The following SLC14A2 variants were observed in gnomAD, a reference collection of about 807,000 sequenced individuals.
SLC14A2 encodes the protein urea transporter 2.
In SLC14A2, 91 loss-of-function variants were observed where a neutral mutation model predicts 104.6. The ratio of observed to expected loss-of-function variants is 0.87; its 90% CI spans 0.73 to 1.04. SLC14A2 has a LOEUF of 1.04. SLC14A2 is among the 50% of genes least tolerant of loss of function. The probability of loss-of-function intolerance (pLI) is 0.00; values close to 1 mark genes in which losing one functional copy is unlikely to be tolerated. For synonymous variants in SLC14A2, 476 were observed against 466.4 expected (o/e 1.02, Z -0.27); for missense variants, 1,189 against 1,156.0 (o/e 1.03, Z -0.41).
chr18:45,316,958 T>C (rs985419106), intron 1 of SLC14A2, among the ~76,000 whole-genome samples: 1 of 152,240 alleles, frequency 6.6e-6, no homozygotes, highest in African/African-American at 2.4e-5. Context: ...TTACCTCATT[T>C]ATGTTCACAG....
At chr18:45,438,320 T>C (rs1018361080) in intron 1 of SLC14A2, 1 of 152,222 alleles carries the variant, frequency 6.6e-6, no homozygotes, top group African/African-American at 2.4e-5. Context: ...AAGTCTCTTC[T>C]ATTCCTATTG....
intron 1 of SLC14A2, among the ~76,000 whole-genome samples, chr18:45,245,935 A>T (rs1191336553): frequency 6.6e-6 from 1 of 152,242 alleles, no homozygotes; most frequent in Non-Finnish European, 1.5e-5. Context: ...CTTTTAAAAG[A>T]TGCTTTGAAA....
At chr18:45,470,959 T>C (rs930405375) in intron 1 of SLC14A2, among the ~76,000 whole-genome samples, 4 of 151,598 alleles carry the variant, frequency 2.6e-5, no homozygotes, top group African/African-American at 9.7e-5. Context: ...AATATTTACA[T>C]TGTGTTCTCA....
At chr18:45,267,920 G>A (rs779133470) in intron 1 of SLC14A2, among the ~76,000 whole-genome samples, 12 of 152,142 alleles carry the variant, frequency 7.9e-5, no homozygotes, top group Non-Finnish European at 1.2e-4. Flanking sequence ...TAAAGGATGT[G>A]CCTGTTTTGT....
At chr18:45,401,792 G>A (rs912286069) in intron 1 of SLC14A2, among the ~76,000 whole-genome samples, 2 of 152,174 alleles carry the variant, frequency 1.3e-5, no homozygotes, top group African/African-American at 4.8e-5. Flanking sequence ...GGTAGAAGAT[G>A]TAGGAAATAT....
intron 1 of SLC14A2, among the ~76,000 whole-genome samples, chr18:45,460,032 G>A (rs555096772): frequency 1.5e-4 from 23 of 152,206 alleles, no homozygotes; most frequent in Admixed American, 7.2e-4. Flanking sequence ...CCAATATCCC[G>A]GACTCTTCCA....
intron 1 of SLC14A2, among the ~76,000 whole-genome samples, chr18:45,221,899 C>A (rs1161095387): frequency 1.3e-5 from 2 of 151,976 alleles, no homozygotes; most frequent in East Asian, 1.9e-4. Flanking sequence ...CAAAGGCTTA[C>A]ATAAAAGTTG....
intron 1 of SLC14A2, among the ~76,000 whole-genome samples, chr18:45,221,380 G>A (rs1373012191): frequency 6.6e-6 from 1 of 152,126 alleles, no homozygotes; most frequent in Non-Finnish European, 1.5e-5. Flanking sequence ...AAAATCCAGG[G>A]GAAAGCCTCT....
At chr18:45,346,980 AAAATAAATAAAT>A (rs760123026) in intron 1 of SLC14A2, among the ~76,000 whole-genome samples, 121 of 111,336 alleles carry the variant, frequency 1.1e-3, no homozygotes, top group African/African-American at 4.9e-3. Flanking sequence ...AATAAAAATA[AAAATAAATAAAT>A]AAATAAATAA....
intron 1 of SLC14A2, among the ~76,000 whole-genome samples, chr18:45,324,008 A>G (rs2085210138): frequency 6.6e-6 from 1 of 152,210 alleles, no homozygotes; most frequent in South Asian, 2.1e-4. Flanking sequence ...CAAAAGAGAA[A>G]ATGTGAAAGA....
At chr18:45,261,182 G>T (rs1463063398) in intron 1 of SLC14A2, among the ~76,000 whole-genome samples, 4 of 150,908 alleles carry the variant, frequency 2.7e-5, no homozygotes, top group Non-Finnish European at 4.4e-5. Flanking sequence ...CCCCACAACA[G>T]GCCCCGGTGT....
chr18:45,386,436 A>G (rs764233819), intron 1 of SLC14A2, among the ~76,000 whole-genome samples: 8 of 152,214 alleles, frequency 5.3e-5, no homozygotes, highest in Non-Finnish European at 1.2e-4. Flanking sequence ...AAAGCCAGCC[A>G]TAAGCTTGTA....
intron 1 of SLC14A2, among the ~76,000 whole-genome samples, chr18:45,457,881 GGGA>G (rs1380195703): frequency 2.6e-5 from 4 of 152,216 alleles, no homozygotes; most frequent in African/African-American, 4.8e-5. Flanking sequence ...CTGGGGCGGT[GGGA>G]GGAGAAGAAG....
At chr18:45,609,816 C>T (rs530837467) in intron 2 of SLC14A2, among the ~76,000 whole-genome samples, 8 of 152,274 alleles carry the variant, frequency 5.3e-5, no homozygotes, top group African/African-American at 1.7e-4. Context: ...AGGAGCATGC[C>T]ATTGCTTCAA....
chr18:45,593,507 T>TTTTTTG (rs71177679), intron 2 of SLC14A2, among the ~76,000 whole-genome samples: 1 of 137,028 alleles, frequency 7.3e-6, no homozygotes, highest in African/African-American at 2.9e-5. Flanking sequence ...TTTTTTTTTT[T>TTTTTTG]GAGACGGAGT....
chr18:45,417,053 G>T (rs1377353900), intron 1 of SLC14A2, among the ~76,000 whole-genome samples: 1 of 152,166 alleles, frequency 6.6e-6, no homozygotes, highest in African/African-American at 2.4e-5. Context: ...ACATCACAAG[G>T]ATACAGCTGG....
At chr18:45,382,981 G>A (rs1449002512) in intron 1 of SLC14A2, among the ~76,000 whole-genome samples, 1 of 152,182 alleles carries the variant, frequency 6.6e-6, no homozygotes, top group Non-Finnish European at 1.5e-5. Flanking sequence ...TGTTGAGAAG[G>A]ATTCTAAGTG....
intron 2 of SLC14A2, among the ~76,000 whole-genome samples, chr18:45,600,521 G>A (rs1205354732): frequency 6.6e-6 from 1 of 152,152 alleles, no homozygotes; most frequent in African/African-American, 2.4e-5. Flanking sequence ...TAATCTTGAT[G>A]CCAGGATACA....
chr18:45,351,063 A>C (rs921068742), intron 1 of SLC14A2, among the ~76,000 whole-genome samples: 4 of 151,618 alleles, frequency 2.6e-5, no homozygotes, highest in Non-Finnish European at 4.4e-5. Flanking sequence ...CTTCTTGATC[A>C]TTTTCTCTAT....
Sources: gnomAD v4.1 joint callset for allele counts (sites outside exome capture counted in the v4.1 genomes callset) on GRCh38, gnomAD v4.1.1 for gene constraint, MANE v1.5 for transcripts, NCBI Gene and HGNC (gene_info 2026-07-23, HGNC 2026-07-21) for gene names.